RAB3GAP1: variants seen among roughly 807,000 people sequenced by gnomAD.
RAB3GAP1 encodes RAB3 GTPase activating protein catalytic subunit 1, also known as rab3 GTPase-activating protein catalytic subunit.
Under a neutral mutation model 130.7 loss-of-function variants are expected in RAB3GAP1, and 86 were observed. That is an observed-to-expected ratio of 0.66 (90% confidence interval 0.55 to 0.79). The LOEUF is 0.79. RAB3GAP1 is among the 30% of genes least tolerant of loss of function. The pLI is 0.00. For missense variants in RAB3GAP1, 1,029 were observed against 1,169.4 expected, an observed-to-expected ratio of 0.88 and a Z score of 1.75; for synonymous variants, 367 against 401.7, an observed-to-expected ratio of 0.91 and a Z score of 1.03.
At position 135,151,215 on chromosome 2, in the gene RAB3GAP1, A is replaced by G. The variant is rs144764811; in HGVS notation, c.2061+709A>G. On this transcript the variant is annotated intron_variant, in intron 18 of 23. Transcript: ENST00000264158. ...GCAAAGGCAAGTCCACGTATATGTT[A>G]AAACCCCAAGTGGGTAGCCCCATGG... Among the ~76,000 whole-genome samples the G allele has an allele frequency of 2.5e-3, 388 of 152,342 alleles. 1 individual carries two copies. The highest frequency in any genetic ancestry group is 9.0e-3 in the African/African-American group (374 of 41,582).
rs1290492145 is a variant in RAB3GAP1, at chr2:135,170,474, GATAT to G, written c.*1696_*1699del. 1 of 152,134 alleles carries G rather than the reference GATAT, an allele frequency of 6.6e-6. No individual in the cohort carries two copies. The highest frequency in any genetic ancestry group is 1.9e-4 in the East Asian group (1 of 5,198). 9.4% of individuals were successfully genotyped at this position (152,134 alleles called of 1,614,324 possible). A position where few individuals can be genotyped will look rare whatever the true frequency, so the allele number is the denominator to read the frequency against. On this transcript the variant is annotated 3_prime_UTR_variant, in exon 24 of 24. Coordinates refer to ENST00000264158, the MANE Select transcript of RAB3GAP1 (RefSeq NM_012233.3). ...ATGATAGTTATGTATTTATTTCACA[GATAT>G]ATTTAAGTACCCACTTTGTGTCAGG...
intron 3 of RAB3GAP1, among the ~76,000 whole-genome samples, chr2:135,071,522 A>G (rs1689471467): frequency 6.7e-6 from 1 of 149,706 alleles, no homozygotes; most frequent in South Asian, 2.1e-4. Flanking sequence ...TTACCAAGAC[A>G]GTCGTAGGTT....
intron 6 of RAB3GAP1, among the ~76,000 whole-genome samples, chr2:135,114,585 C>G (rs1293678256): frequency 6.6e-6 from 1 of 152,196 alleles, no homozygotes; most frequent in Non-Finnish European, 1.5e-5. Context: ...TGGGTTCCTT[C>G]GAGCCTCTGG....
At chr2:135,056,974 G>C (rs1458190832) in intron 2 of RAB3GAP1, among the ~76,000 whole-genome samples, 1 of 152,182 alleles carries the variant, frequency 6.6e-6, no homozygotes, top group Non-Finnish European at 1.5e-5. Flanking sequence ...CAGGTGTTTA[G>C]AGAGCAATGT....
chr2:135,119,590 T>A (rs903522275), intron 7 of RAB3GAP1, among the ~76,000 whole-genome samples: 4 of 152,236 alleles, frequency 2.6e-5, no homozygotes, highest in African/African-American at 9.6e-5. Context: ...AAATCTCACC[T>A]TGCTGTTGGG....
chr2:135,114,402 G>A (rs1471367005), intron 6 of RAB3GAP1, among the ~76,000 whole-genome samples: 1 of 152,102 alleles, frequency 6.6e-6, no homozygotes, highest in Non-Finnish European at 1.5e-5. Context: ...TGTACTCCAT[G>A]GTATATCCTA....
At chr2:135,124,401 C>T (rs948202714) in intron 9 of RAB3GAP1, among the ~76,000 whole-genome samples, 155 bp downstream of exon 9, 1 of 152,210 alleles carries the variant, frequency 6.6e-6, no homozygotes, top group Non-Finnish European at 1.5e-5. Flanking sequence ...GGCACAGGCT[C>T]ATGCCTGTAA....
intron 3 of RAB3GAP1, among the ~76,000 whole-genome samples, chr2:135,085,277 T>G (rs1177970156): frequency 5.3e-5 from 8 of 152,236 alleles, no homozygotes; most frequent in Non-Finnish European, 2.9e-5. Context: ...TTATACAATA[T>G]GTGTAATACT....
rs900731804 is a variant in RAB3GAP1 at position 135,094,150 on chromosome 2, A to G, written c.362+457A>G. Among the ~76,000 whole-genome samples the G allele has an allele frequency of 2.0e-5, 3 of 151,718 alleles. No individual in the cohort carries two copies. In the South Asian group the frequency reaches 6.2e-4, roughly 31 times the overall value. On this transcript the variant is annotated intron_variant, in intron 5 of 23. Coordinates refer to ENST00000264158, the MANE Select transcript of RAB3GAP1 (RefSeq NM_012233.3). ...ACAATTTAGGCTTAGTGAGCAGCTTAATCAGTTCTGGGAATGGTGAGAACC... is the reference window on the plus strand; with the variant it reads ...ACAATTTAGGCTTAGTGAGCAGCTTGATCAGTTCTGGGAATGGTGAGAACC...
chr2:135,146,855 A>G (rs1283947498), intron 17 of RAB3GAP1, among the ~76,000 whole-genome samples: 1 of 139,690 alleles, frequency 7.2e-6, no homozygotes, highest in East Asian at 1.9e-4. Flanking sequence ...TGGATATACA[A>G]GTTTGTTTAT....
At chr2:135,147,422 AC>A (rs1692031385) in intron 17 of RAB3GAP1, among the ~76,000 whole-genome samples, 1 of 151,952 alleles carries the variant, frequency 6.6e-6, no homozygotes, top group African/African-American at 2.4e-5. Context: ...CAGTTTTAAA[AC>A]CCTATTTCCT....
chr2:135,127,577 C>T (rs1691393311), intron 11 of RAB3GAP1, among the ~76,000 whole-genome samples: 1 of 151,990 alleles, frequency 6.6e-6, no homozygotes, highest in African/African-American at 2.4e-5. Flanking sequence ...CTCCTGACCT[C>T]ATGATCCGCC....
intron 5 of RAB3GAP1, among the ~76,000 whole-genome samples, chr2:135,102,588 A>G (rs969953689): frequency 5.9e-5 from 9 of 152,228 alleles, no homozygotes; most frequent in African/African-American, 1.9e-4. Flanking sequence ...TTTTGTCCCC[A>G]TGGCTCTGCC....
chr2:135,073,011 T>C (rs957888089), intron 3 of RAB3GAP1, among the ~76,000 whole-genome samples: 1 of 152,198 alleles, frequency 6.6e-6, no homozygotes, highest in African/African-American at 2.4e-5. Flanking sequence ...TTGAAGTTAC[T>C]GGTTAAAGAT....
intron 6 of RAB3GAP1, among the ~76,000 whole-genome samples, chr2:135,113,847 C>G (rs1690892251): frequency 6.6e-6 from 1 of 152,084 alleles, no homozygotes; most frequent in Non-Finnish European, 1.5e-5. Flanking sequence ...TCAAGCGACT[C>G]TCCTGTCTCA....
intron 19 of RAB3GAP1, 65 bp downstream of exon 19, chr2:135,153,941 C>CGTCTATGACAG: frequency 6.8e-7 from 1 of 1,460,512 alleles, no homozygotes; most frequent in Non-Finnish European, 9.5e-7. Context: ...TAGGAACTCA[C>CGTCTATGACAG]TGTCATAGAC....
At chr2:135,105,926 G>A (rs1480860924) in intron 5 of RAB3GAP1, among the ~76,000 whole-genome samples, 3 of 149,732 alleles carry the variant, frequency 2.0e-5, no homozygotes, top group Non-Finnish European at 3.0e-5. Flanking sequence ...CGGCCGCCCC[G>A]TCTGAGAAGT....
intron 14 of RAB3GAP1, among the ~76,000 whole-genome samples, chr2:135,133,446 T>A (rs956593425): frequency 6.6e-6 from 1 of 152,014 alleles, no homozygotes; most frequent in African/African-American, 2.4e-5. Context: ...ACAGTAGTTA[T>A]TGTTGAGAAG....
At chr2:135,167,718 C>T in intron 23 of RAB3GAP1, 1 of 1,484,958 alleles carries the variant, frequency 6.7e-7, no homozygotes, top group Non-Finnish European at 9.1e-7. Context: ...GATGAGGTAA[C>T]AAAATAGCCT....
Sources: allele counts gnomAD v4.1 joint callset (sites outside exome capture counted in the v4.1 genomes callset), GRCh38; gene constraint gnomAD v4.1.1; transcripts MANE v1.5; gene names NCBI Gene and HGNC (gene_info 2026-07-23, HGNC 2026-07-21).